The following CLSTN2 variants were observed in gnomAD, a reference collection of about 807,000 sequenced individuals.
The protein encoded by CLSTN2 is calsyntenin-2.
CLSTN2 carries 48 observed loss-of-function variants against 101.2 expected under a neutral mutation model. The ratio of observed to expected loss-of-function variants is 0.47; its 90% CI spans 0.38 to 0.60. The LOEUF (loss-of-function observed/expected upper bound fraction) is 0.60. Ranked by LOEUF, CLSTN2 falls within the 20% of genes least tolerant of loss-of-function variation. The pLI, the probability that CLSTN2 is intolerant of heterozygous loss-of-function variation, is 0.00. For synonymous variants in CLSTN2, 481 were observed against 463.6 expected, an observed-to-expected ratio of 1.04 and a Z score of -0.48; for missense variants, 1,160 against 1,238.2, an observed-to-expected ratio of 0.94 and a Z score of 0.95.
At chr3:139,940,458 G>T (rs148420705) in intron 1 of CLSTN2, among the ~76,000 whole-genome samples, 1 of 152,092 alleles carries the variant, frequency 6.6e-6, no homozygotes, top group African/African-American at 2.4e-5. Flanking sequence ...CCAGTTTGGG[G>T]CATGTAAAAT....
chr3:140,562,740 T>C lies in CLSTN2; in HGVS notation c.2213-71T>C, dbSNP rs920096945. The C allele has an allele frequency of 2.6e-6, 4 of 1,526,076 alleles. No homozygotes were observed. In the African/African-American group the frequency reaches 4.1e-5, roughly 16 times the overall value. The allele number at this position is 1,526,076 out of a possible 1,614,324, so 94.5% of individuals were successfully genotyped here. A position where few individuals can be genotyped will look rare whatever the true frequency, so the allele number is the denominator to read the frequency against. ...CCATGAGGTCTTGTACCACAAGCCCTGGCTTGTCTCCTCTCTTCTCTTCCT... is the reference window on the plus strand; with the variant it reads ...CCATGAGGTCTTGTACCACAAGCCCCGGCTTGTCTCCTCTCTTCTCTTCCT... On this transcript the variant is annotated intron_variant, in intron 13 of 16. Coordinates refer to ENST00000458420, the MANE Select transcript of CLSTN2 (RefSeq NM_022131.3).
At chr3:140,414,643 C>T (rs775911943) in intron 4 of CLSTN2, among the ~76,000 whole-genome samples, 1 of 151,922 alleles carries the variant, frequency 6.6e-6, no homozygotes, top group Non-Finnish European at 1.5e-5. Context: ...ATGATAGGTG[C>T]ACTAATATCC....
chr3:140,103,784 A>C (rs765143340), intron 1 of CLSTN2, among the ~76,000 whole-genome samples: 1 of 152,218 alleles, frequency 6.6e-6, no homozygotes, highest in Non-Finnish European at 1.5e-5. Context: ...TAGAGCACCT[A>C]CTATGGACCT....
intron 8 of CLSTN2, among the ~76,000 whole-genome samples, chr3:140,510,556 T>C (rs1400787641): frequency 6.6e-6 from 1 of 152,212 alleles, no homozygotes; most frequent in East Asian, 1.9e-4. Flanking sequence ...GCCCAAATGT[T>C]GCTCAACCAA....
intron 2 of CLSTN2, among the ~76,000 whole-genome samples, chr3:140,356,542 A>T (rs1447638530): frequency 2.0e-5 from 3 of 152,030 alleles, no homozygotes; most frequent in Non-Finnish European, 4.4e-5. Flanking sequence ...GGCAGATCAC[A>T]AGGTCAGGAG....
intron 2 of CLSTN2, among the ~76,000 whole-genome samples, chr3:140,193,257 T>C (rs1430575286): frequency 2.7e-5 from 4 of 147,926 alleles, no homozygotes; most frequent in Non-Finnish European, 6.0e-5. Context: ...TTTCCTTTTT[T>C]ATAGTTTTTT....
rs569774722 is a variant in CLSTN2 at position 140,345,245 on chromosome 3, C to CTTTT, written c.233-58380_233-58377dup. Among the ~76,000 whole-genome samples the CTTTT allele has an allele frequency of 3.8e-4, 52 of 136,010 alleles. 2 individuals carry two copies. The highest frequency in any genetic ancestry group is 1.3e-3 in the African/African-American group (49 of 37,504). The allele number at this position is 136,010 out of a possible 152,430, so 89.2% of individuals were successfully genotyped here. Reference sequence around the variant, plus strand: ...CAGGGTGGCATTGAGTGGATATAGCCTTTTTTTCTTTTTTTTTTTTGAGAC... The same window carrying CTTTT: ...CAGGGTGGCATTGAGTGGATATAGCCTTTTTTTTTTTCTTTTTTTTTTTTGAGAC... On this transcript the variant is annotated intron_variant, in intron 2 of 16. Transcript: ENST00000458420.
At chr3:140,089,202 A>G (rs2008729285) in intron 1 of CLSTN2, among the ~76,000 whole-genome samples, 1 of 152,102 alleles carries the variant, frequency 6.6e-6, no homozygotes, top group African/African-American at 2.4e-5. Flanking sequence ...TCACTTGTTC[A>G]TATCTCTTGG....
At chr3:140,229,817 T>C (rs892416365) in intron 2 of CLSTN2, among the ~76,000 whole-genome samples, 12 of 152,116 alleles carry the variant, frequency 7.9e-5, no homozygotes, top group African/African-American at 2.9e-4. Context: ...CTCTGAAATG[T>C]TAAGTACTAA....
chr3:140,072,122 A>C (rs1342147629), intron 1 of CLSTN2, among the ~76,000 whole-genome samples: 4 of 152,162 alleles, frequency 2.6e-5, no homozygotes, highest in African/African-American at 9.7e-5. Flanking sequence ...CGTATTTAGA[A>C]ATTTATCCTA....
At chr3:140,489,830 C>T (rs2107756471) in intron 8 of CLSTN2, among the ~76,000 whole-genome samples, 1 of 151,324 alleles carries the variant, frequency 6.6e-6, no homozygotes, top group South Asian at 2.1e-4. Context: ...TAGAAAACAA[C>T]TGGCTCTGTA....
intron 2 of CLSTN2, among the ~76,000 whole-genome samples, chr3:140,273,040 A>G (rs2086758540): frequency 6.6e-6 from 1 of 152,170 alleles, no homozygotes; most frequent in South Asian, 2.1e-4. Flanking sequence ...ACCCAAGAGG[A>G]GGGAAGCATC....
chr3:140,353,390 G>T (rs2087633137), intron 2 of CLSTN2, among the ~76,000 whole-genome samples: 1 of 152,136 alleles, frequency 6.6e-6, no homozygotes, highest in Admixed American at 6.5e-5. Flanking sequence ...TCCAGGGCGT[G>T]AAGCATCCAG....
chr3:140,239,594 A>G (rs2086443142), intron 2 of CLSTN2, among the ~76,000 whole-genome samples: 1 of 152,222 alleles, frequency 6.6e-6, no homozygotes. Context: ...TTTTCAATTC[A>G]GAATTGTCCA....
chr3:140,508,279 C>G (rs1468516273), intron 8 of CLSTN2: 2 of 152,318 alleles, frequency 1.3e-5, no homozygotes, highest in Admixed American at 1.3e-4. Flanking sequence ...GGATTTGGCA[C>G]AGACATGGCC....
At chr3:140,537,394 A>AT (rs1935379624) in intron 9 of CLSTN2, among the ~76,000 whole-genome samples, 1 of 152,180 alleles carries the variant, frequency 6.6e-6, no homozygotes, top group African/African-American at 2.4e-5. Context: ...TGAAAAAAAA[A>AT]TGGGACTTCA....
At chr3:140,382,964 C>T (rs924359813) in intron 2 of CLSTN2, among the ~76,000 whole-genome samples, 2 of 152,010 alleles carry the variant, frequency 1.3e-5, no homozygotes, top group Non-Finnish European at 2.9e-5. Context: ...TGGGGGTGGT[C>T]ACAAACATTC....
At chr3:140,164,801 G>C (rs1478004223) in intron 1 of CLSTN2, among the ~76,000 whole-genome samples, 10 of 152,170 alleles carry the variant, frequency 6.6e-5, no homozygotes, top group Admixed American at 6.6e-4. Flanking sequence ...GGAGAAATTA[G>C]GTAAGTTCTT....
intron 2 of CLSTN2, among the ~76,000 whole-genome samples, chr3:140,255,270 T>TAACA (rs1326880618): frequency 6.6e-6 from 1 of 152,146 alleles, no homozygotes; most frequent in Non-Finnish European, 1.5e-5. Context: ...AAAAGAGAAC[T>TAACA]AACATTTGAC....
Sources: gnomAD v4.1 joint callset for allele counts (sites outside exome capture counted in the v4.1 genomes callset) on GRCh38, gnomAD v4.1.1 for gene constraint, MANE v1.5 for transcripts, NCBI Gene and HGNC (gene_info 2026-07-23, HGNC 2026-07-21) for gene names.